The following GLIS1 variants were observed in gnomAD, a reference collection of about 807,000 sequenced individuals.
GLIS1 encodes the protein zinc finger protein GLIS1.
In GLIS1, 24 loss-of-function variants were observed where a neutral mutation model predicts 63.8. The observed-to-expected ratio is 0.38, with a 90% CI of 0.27 to 0.53. The LOEUF (loss-of-function observed/expected upper bound fraction) is 0.53. Among genes scored for constraint, GLIS1 ranks in the 20% least tolerant of loss-of-function variants. The pLI is 0.85. For missense variants in GLIS1, 1,036 were observed against 1,074.1 expected (o/e 0.96, Z 0.50); for synonymous variants, 450 against 482.5 (o/e 0.93, Z 0.88).
intron 2 of GLIS1, among the ~76,000 whole-genome samples, chr1:53,717,669 C>T (rs116842965): frequency 6.6e-6 from 1 of 152,294 alleles, no homozygotes; most frequent in East Asian, 1.9e-4. Context: ...CCCAGCAGGC[C>T]TCCATCTCCC....
At chr1:53,531,686 G>T (rs1219889615) in intron 4 of GLIS1, among the ~76,000 whole-genome samples, 1 of 152,208 alleles carries the variant, frequency 6.6e-6, no homozygotes, top group Admixed American at 6.5e-5. Context: ...AAGCGACGTG[G>T]TTGAGATGTC....
intron 4 of GLIS1, among the ~76,000 whole-genome samples, chr1:53,547,544 G>A (rs545574379): frequency 7.2e-5 from 11 of 152,302 alleles, no homozygotes; most frequent in Non-Finnish European, 1.6e-4. Flanking sequence ...CCCAGGCCCT[G>A]ACCCAGGCAG....
At position 53,600,217 on chromosome 1, in the gene GLIS1, A is replaced by AAGGTCC; in HGVS notation, c.315_320dup (p.Asp106_Leu107dup). ...AGCAGGTGGGGCCAGGGCCCTCAGC[A>AAGGTCC]AGGTCCAGGTCCAGCAGGCTCTTCT... On this transcript the variant is annotated inframe_insertion, in exon 3 of 11. Transcript: ENST00000628545. 3.2e-6 allele frequency: 4 copies of AAGGTCC among 1,232,114 alleles called. No individual in the cohort carries two copies. Among genetic ancestry groups the AAGGTCC allele is most frequent in the Non-Finnish European group, 4.0e-6 (4 of 987,932 alleles). 76.3% of individuals were successfully genotyped at this position (1,232,114 alleles called of 1,614,324 possible).
At chr1:53,672,251 A>C (rs570889230) in intron 2 of GLIS1, among the ~76,000 whole-genome samples, 1 of 152,346 alleles carries the variant, frequency 6.6e-6, no homozygotes, top group African/African-American at 2.4e-5. Context: ...GGCAGTGGGC[A>C]GAACATTAGA....
intron 7 of GLIS1, among the ~76,000 whole-genome samples, chr1:53,519,416 T>C (rs1644384289): frequency 6.6e-6 from 1 of 152,170 alleles, no homozygotes; most frequent in Non-Finnish European, 1.5e-5. Context: ...ACTTCAACAT[T>C]GAGGGGAAAG....
intron 4 of GLIS1, among the ~76,000 whole-genome samples, chr1:53,568,181 G>A (rs959129854): frequency 6.6e-6 from 1 of 152,224 alleles, no homozygotes; most frequent in Admixed American, 6.5e-5. Flanking sequence ...ACATCAGCAT[G>A]CCCTGGATGT....
chr1:53,565,003 T>C (rs1329633976), intron 4 of GLIS1, among the ~76,000 whole-genome samples: 1 of 151,946 alleles, frequency 6.6e-6, no homozygotes, highest in Non-Finnish European at 1.5e-5. Context: ...TATGCAACAT[T>C]TACAAAAAAC....
At chr1:53,723,633 T>C (rs991097528) in intron 2 of GLIS1, among the ~76,000 whole-genome samples, 4 of 152,170 alleles carry the variant, frequency 2.6e-5, no homozygotes, top group Non-Finnish European at 4.4e-5. Context: ...AAAAGAAATC[T>C]ACCAAAATGT....
intron 4 of GLIS1, among the ~76,000 whole-genome samples, chr1:53,549,088 C>T (rs72895262): frequency 0.19 from 29,263 of 152,192 alleles, 3,219 homozygotes; most frequent in South Asian, 0.32. Flanking sequence ...TTTCAAGGCT[C>T]ATCCATGCTG....
intron 2 of GLIS1, among the ~76,000 whole-genome samples, chr1:53,608,316 G>T (rs1036186289): frequency 6.6e-6 from 1 of 152,122 alleles, no homozygotes; most frequent in Non-Finnish European, 1.5e-5. Context: ...CCACCCTTAT[G>T]ACCTCATTTA....
chr1:53,627,584 C>T (rs959229640), intron 2 of GLIS1, among the ~76,000 whole-genome samples: 3 of 152,212 alleles, frequency 2.0e-5, no homozygotes, highest in African/African-American at 7.2e-5. Flanking sequence ...TCCCTTTCGA[C>T]AGATTAACTA....
intron 4 of GLIS1, among the ~76,000 whole-genome samples, chr1:53,542,467 A>C (rs912450714): frequency 1.3e-5 from 2 of 152,250 alleles, no homozygotes; most frequent in Admixed American, 6.5e-5. Context: ...AACATCTGTT[A>C]ATGAATGAAA....
chr1:53,675,016 A>G (rs1646196864), intron 2 of GLIS1, among the ~76,000 whole-genome samples: 1 of 152,190 alleles, frequency 6.6e-6, no homozygotes, highest in Non-Finnish European at 1.5e-5. Flanking sequence ...GTCTGCCTGC[A>G]CACACTCGGT....
Position 53,594,510 on chromosome 1 carries a change from C to A in GLIS1, c.918G>T (p.Glu306Asp), listed in dbSNP as rs1289611981. 1.1e-5 allele frequency: 18 copies of A among 1,612,614 alleles called. No homozygotes were observed. The highest frequency in any genetic ancestry group is 1.4e-5 in the Non-Finnish European group (17 of 1,179,758). The change falls in exon 4 of 11, where the codon GAG (glutamate) becomes GAT (aspartate). Residue 306 changes from glutamate to aspartate, a missense_variant. Transcript: ENST00000628545. ...GGCAGGCTTCAAGTTGCAAGCTGCC[C>A]TCATGGCTGTCCGTCGATGCAGGGC... ...RPGPASTDSH[E>D]GSLQLEACRK...
chr1:53,570,450 A>G (rs550657117), intron 4 of GLIS1, among the ~76,000 whole-genome samples: 1 of 152,282 alleles, frequency 6.6e-6, no homozygotes, highest in African/African-American at 2.4e-5. Context: ...TGATTCCAAA[A>G]TACACATATG....
chr1:53,579,891 A>G (rs1645068717), intron 4 of GLIS1, among the ~76,000 whole-genome samples: 2 of 152,242 alleles, frequency 1.3e-5, no homozygotes, highest in Admixed American at 6.5e-5. Flanking sequence ...AAGATAGGGC[A>G]ATGGTCCCAA....
At chr1:53,520,487 G>A (rs1644396236) in intron 7 of GLIS1, 147 bp downstream of exon 7, 2 of 859,404 alleles carry the variant, frequency 2.3e-6, no homozygotes, top group South Asian at 2.1e-5. Context: ...GGAACCAGAG[G>A]CAGAGGCAAC....
At chr1:53,731,038 T>C (rs1233541467) in intron 2 of GLIS1, among the ~76,000 whole-genome samples, 4 of 152,242 alleles carry the variant, frequency 2.6e-5, no homozygotes, top group African/African-American at 9.6e-5. Flanking sequence ...TGAGGAATTC[T>C]CGTCCAACAG....
intron 2 of GLIS1, among the ~76,000 whole-genome samples, chr1:53,636,987 G>A (rs1256935091): frequency 1.3e-5 from 2 of 152,232 alleles, no homozygotes; most frequent in Middle Eastern, 3.2e-3. Flanking sequence ...ACAACAGGTC[G>A]CAGTGAGCGC....
Sources: allele counts gnomAD v4.1 joint callset (sites outside exome capture counted in the v4.1 genomes callset), GRCh38; gene constraint gnomAD v4.1.1; transcripts MANE v1.5; gene names NCBI Gene and HGNC (gene_info 2026-07-23, HGNC 2026-07-21).